Variants in ACAD10 observed in about 807,000 individuals in gnomAD.
The protein encoded by ACAD10 is acyl-CoA dehydrogenase family member 10, also known as ACAD-10.
A neutral mutation model predicts 116.8 loss-of-function variants in ACAD10; 112 were observed. The observed-to-expected ratio is 0.96, with a 90% CI of 0.82 to 1.12. ACAD10 has a LOEUF of 1.12. ACAD10 is among the 50% of genes most tolerant of loss of function. ACAD10 has a pLI of 0.00. For missense variants in ACAD10, 1,259 were observed against 1,350.2 expected (o/e 0.93, Z 1.06); for synonymous variants, 486 against 510.6 (o/e 0.95, Z 0.65).
At chr12:111,696,177 G>A (rs923214614) in intron 2 of ACAD10, among the ~76,000 whole-genome samples, 4 of 151,790 alleles carry the variant, frequency 2.6e-5, no homozygotes, top group African/African-American at 9.7e-5. Flanking sequence ...TCCTGCCTCA[G>A]GCTCCCAAGT....
At position 111,704,147 on chromosome 12, in the gene ACAD10, T is replaced by A. The variant is rs897646529; in HGVS notation, c.337-1591T>A. Among the ~76,000 whole-genome samples, 13 of 151,052 alleles carry A rather than the reference T, an allele frequency of 8.6e-5. No homozygotes were observed. The East Asian group carries it at 1.2e-3, about 14-fold the overall frequency. Reference sequence around the variant, plus strand: ...GGGTACGGTTTACTTTTTTTTTTTTTAATTTTTTTTTTGAGACACAGTCTC... The same window carrying A: ...GGGTACGGTTTACTTTTTTTTTTTTAAATTTTTTTTTTGAGACACAGTCTC... On this transcript the variant is annotated intron_variant, in intron 3 of 20. Transcript: ENST00000313698.
At chr12:111,719,676 C>G (rs1888959024) in intron 7 of ACAD10, among the ~76,000 whole-genome samples, 1 of 152,156 alleles carries the variant, frequency 6.6e-6, no homozygotes, top group South Asian at 2.1e-4. Context: ...CCTCAGCCTC[C>G]TAAGTAGGTA....
At chr12:111,746,012 A>G in intron 13 of ACAD10, 132 bp from the exon 14 acceptor site, 2 of 1,152,070 alleles carry the variant, frequency 1.7e-6, no homozygotes, top group Non-Finnish European at 2.4e-6. Flanking sequence ...AGCTCCTCAT[A>G]TCATTTTTTT....
chr12:111,744,617 C>G (rs1286969618), intron 12 of ACAD10, 26 bp from the exon 13 acceptor site: 1 of 1,593,290 alleles, frequency 6.3e-7, no homozygotes, highest in African/African-American at 1.3e-5. Context: ...TGGGAGTAAT[C>G]ACTGTTTTTC....
chr12:111,756,401 G>T lies in ACAD10; in HGVS notation c.3108G>T (p.Leu1036=). 1 of 1,612,358 alleles carries T rather than the reference G, an allele frequency of 6.2e-7. No homozygotes were observed. The highest frequency in any genetic ancestry group is 8.5e-7 in the Non-Finnish European group (1 of 1,179,756). The change falls in exon 21 of 21, where the codon CTG becomes CTT. Residue 1036 remains leucine, a synonymous_variant. Coordinates refer to ENST00000313698, the MANE Select transcript of ACAD10 (RefSeq NM_025247.6). ...LAQFFTWARA[L]RFADGPDEVH... Reference sequence around the variant, plus strand: ...AGTTCTTCACCTGGGCCCGAGCCCTGCGCTTTGCCGACGGCCCTGACGAGG... The same window carrying T: ...AGTTCTTCACCTGGGCCCGAGCCCTTCGCTTTGCCGACGGCCCTGACGAGG...
intron 7 of ACAD10, among the ~76,000 whole-genome samples, chr12:111,719,527 C>A (rs1414867166): frequency 6.6e-6 from 1 of 151,916 alleles, no homozygotes; most frequent in Non-Finnish European, 1.5e-5. Context: ...GCTGGGATTA[C>A]AGGCATGAGT....
intron 19 of ACAD10, 48 bp downstream of exon 19, chr12:111,753,963 TC>T: frequency 1.9e-6 from 3 of 1,548,858 alleles, no homozygotes; most frequent in Non-Finnish European, 2.6e-6. Context: ...AGATTCTTCC[TC>T]CTCACTCAGC....
At chr12:111,715,157 C>G (rs1888805063) in intron 6 of ACAD10, among the ~76,000 whole-genome samples, 1 of 152,252 alleles carries the variant, frequency 6.6e-6, no homozygotes, top group Non-Finnish European at 1.5e-5. Flanking sequence ...CCCACTCTGG[C>G]CAGCCAGAAG....
chr12:111,750,321 C>T (rs1266815330), intron 18 of ACAD10, among the ~76,000 whole-genome samples: 4 of 151,596 alleles, frequency 2.6e-5, no homozygotes, highest in South Asian at 4.2e-4. Flanking sequence ...TCGATCTCAC[C>T]GTGTTAGCCA....
chr12:111,746,492 G>A (rs1347533538), intron 14 of ACAD10, among the ~76,000 whole-genome samples: 1 of 152,000 alleles, frequency 6.6e-6, no homozygotes, highest in Non-Finnish European at 1.5e-5. Context: ...GGTTCAAGTG[G>A]TTCTCCTGCC....
At chr12:111,717,313 G>A (rs564969230) in intron 7 of ACAD10, among the ~76,000 whole-genome samples, 4 of 143,982 alleles carry the variant, frequency 2.8e-5, no homozygotes, top group South Asian at 2.2e-4. Context: ...AGCTGAGATC[G>A]TACCGCTGCA....
intron 7 of ACAD10, among the ~76,000 whole-genome samples, chr12:111,716,335 C>T (rs1888846911): frequency 6.6e-6 from 1 of 151,878 alleles, no homozygotes; most frequent in African/African-American, 2.4e-5. Flanking sequence ...GGCATCATTG[C>T]ACTCCCACCT....
Position 111,725,337 on chromosome 12 carries a change from A to G in ACAD10, c.1062-2625A>G, listed in dbSNP as rs185848435. Among the ~76,000 whole-genome samples, 266 of 152,042 alleles carry G rather than the reference A, an allele frequency of 1.7e-3. 14 individuals are homozygous for G. The highest frequency in any genetic ancestry group is 0.016 in the Admixed American group (241 of 15,254). On this transcript the variant is annotated intron_variant, in intron 8 of 20. Transcript: ENST00000313698. ...AGCCAGGGCAACATGGCAAAACCCCATCTCTACAAAAACAAACAAAAAATT... is the reference window on the plus strand; with the variant it reads ...AGCCAGGGCAACATGGCAAAACCCCGTCTCTACAAAAACAAACAAAAAATT...
In ACAD10 at chr12:111,692,659, T is replaced by G. The variant is rs182871375; in HGVS notation, c.-13-38T>G. ...GGATGGAGGCCTGGTTGGGAGGCAGTGCAGGCAAGTAACGCCCTGTGCCTT... is the reference window on the plus strand; with the variant it reads ...GGATGGAGGCCTGGTTGGGAGGCAGGGCAGGCAAGTAACGCCCTGTGCCTT... On this transcript the variant is annotated intron_variant, in intron 1 of 20. Transcript: ENST00000313698. 3.2e-3 allele frequency: 5,089 copies of G among 1,578,686 alleles called. 25 individuals are homozygous for G. Among genetic ancestry groups the G allele is most frequent in the Non-Finnish European group, 3.0e-3 (3,516 of 1,160,500 alleles).
chr12:111,739,154 A>G (rs967924734), intron 12 of ACAD10, among the ~76,000 whole-genome samples: 10 of 152,224 alleles, frequency 6.6e-5, no homozygotes, highest in Non-Finnish European at 1.2e-4. Context: ...CTCCTAATGC[A>G]TTAATGGATG....
chr12:111,692,463 G>A (rs1229605072), intron 1 of ACAD10, among the ~76,000 whole-genome samples: 3 of 152,200 alleles, frequency 2.0e-5, no homozygotes, highest in Non-Finnish European at 4.4e-5. Context: ...GGTAGAGATT[G>A]CAGAAAGTCA....
Position 111,712,516 on chromosome 12 carries a change from G to A in ACAD10, c.709G>A (p.Ala237Thr), listed in dbSNP as rs770958548. The A allele has an allele frequency of 1.2e-6, 2 of 1,614,042 alleles. No homozygotes were observed. The highest frequency in any genetic ancestry group is 2.2e-5 in the South Asian group (2 of 91,058). ...HTIKVNDPET[A>T]VKELEALLGF... is the part of the protein sequence containing the mutation. ...AAACCAGGTTAATGACCCAGAGACT[G>A]CAGTAAAGGAATTAGAAGCTCTCTT... is the stretch of plus-strand genomic sequence containing the variant. Residue 237 changes from alanine (A) to threonine (T), a missense_variant, in exon 6 of 21, where the codon GCA becomes ACA. Ala to Thr is a moderately conservative substitution (Grantham distance 58, BLOSUM62 0). Coordinates refer to ENST00000313698, the MANE Select transcript of ACAD10 (RefSeq NM_025247.6).
At chr12:111,688,674 G>A (rs1219951329) in intron 1 of ACAD10, among the ~76,000 whole-genome samples, 1 of 151,914 alleles carries the variant, frequency 6.6e-6, no homozygotes, top group African/African-American at 2.4e-5. Flanking sequence ...ATGTGGTGGC[G>A]AGCGCCTGTA....
In ACAD10 at chr12:111,709,519, C is replaced by G; in HGVS notation, c.532-7C>G. On this transcript the variant is annotated splice_polypyrimidine_tract_variant and splice_region_variant and intron_variant, in intron 4 of 20. Transcript: ENST00000313698. The stretch of plus-strand genomic sequence containing the variant: ...ACATTCATCTCTCATTCCTGTCCCT[C>G]CATCAGATTGTGGAGTCCTGCATGG... 6.4e-7 allele frequency: 1 copy of G among 1,557,146 alleles called. No homozygotes were observed. Among genetic ancestry groups the G allele is most frequent in the African/African-American group, 1.4e-5 (1 of 72,218 alleles).
Sources: gnomAD v4.1 joint callset for allele counts (sites outside exome capture counted in the v4.1 genomes callset) on GRCh38, gnomAD v4.1.1 for gene constraint, MANE v1.5 for transcripts, NCBI Gene and HGNC (gene_info 2026-07-23, HGNC 2026-07-21) for gene names.